The following REV1 variants were observed in gnomAD, a reference collection of about 807,000 sequenced individuals.
REV1 encodes the protein REV1 DNA directed polymerase, also known as translesion synthesis protein REV1.
Under a neutral mutation model 137.4 loss-of-function variants are expected in REV1, and 42 were observed. The observed-to-expected ratio is 0.31, with a 90% CI of 0.24 to 0.40. REV1 has a LOEUF of 0.40. Among genes scored for constraint, REV1 ranks in the 10% least tolerant of loss-of-function variants. REV1 has a pLI of 1.00. For synonymous variants in REV1, 524 were observed against 519.2 expected (o/e 1.01, Z -0.12); for missense variants, 1,282 against 1,490.1 (o/e 0.86, Z 2.30).
At chr2:99,469,362 G>A (rs1685153421) in intron 1 of REV1, among the ~76,000 whole-genome samples, 1 of 152,196 alleles carries the variant, frequency 6.6e-6, no homozygotes, top group Admixed American at 6.5e-5. Flanking sequence ...ATGTGACTCT[G>A]TAAGACAGTC....
At chr2:99,429,040 G>T (rs552503269) in intron 9 of REV1, among the ~76,000 whole-genome samples, 3 of 148,896 alleles carry the variant, frequency 2.0e-5, no homozygotes, top group African/African-American at 7.4e-5. Flanking sequence ...ACTCTGTTTC[G>T]ATTTGAAATT....
chr2:99,424,349 G>T, intron 9 of REV1, 69 bp from the exon 10 acceptor site: 1 of 1,452,884 alleles, frequency 6.9e-7, no homozygotes, highest in Non-Finnish European at 9.5e-7. Context: ...TATCAAATAT[G>T]TTGATATCTC....
chr2:99,484,245 G>T (rs994326031), intron 1 of REV1, among the ~76,000 whole-genome samples: 1 of 152,130 alleles, frequency 6.6e-6, no homozygotes, highest in Admixed American at 6.5e-5. Flanking sequence ...TGGGAGGAGG[G>T]AAACGAGCAG....
Position 99,403,470 on chromosome 2 carries a change from TA to T in REV1, c.3166+224del, listed in dbSNP as rs1675805771. ...GTGGTAATGTCCTATTCCAACTTTTTAAAAAGTAAAAAGTGGTGTGTTTAAA... is the reference window on the plus strand; with the variant it reads ...GTGGTAATGTCCTATTCCAACTTTTTAAAAGTAAAAAGTGGTGTGTTTAAA... On this transcript the variant is annotated intron_variant, in intron 19 of 22. Transcript: ENST00000258428. The T allele has an allele frequency of 4.8e-6, 3 of 625,066 alleles. 1 individual carries two copies. The highest frequency in any genetic ancestry group is 4.5e-5 in the South Asian group (2 of 44,876). 38.7% of individuals were successfully genotyped at this position (625,066 alleles called of 1,614,324 possible). A position where few individuals can be genotyped will look rare whatever the true frequency, so the allele number is the denominator to read the frequency against.
intron 8 of REV1, chr2:99,431,877 A>G (rs1680172581): frequency 1.0e-6 from 1 of 985,334 alleles, no homozygotes; most frequent in African/African-American, 1.7e-5. Flanking sequence ...AAACTTGACA[A>G]ACTAGACGGG....
chr2:99,401,527 A>C (rs1675410552), intron 22 of REV1, among the ~76,000 whole-genome samples, 175 bp from the exon 23 acceptor site: 1 of 151,798 alleles, frequency 6.6e-6, no homozygotes, highest in Non-Finnish European at 1.5e-5. Context: ...AGGGCGGATC[A>C]CCTGAGGTCA....
chr2:99,455,239 T>A (rs1475281181), intron 3 of REV1, among the ~76,000 whole-genome samples: 10 of 152,230 alleles, frequency 6.6e-5, no homozygotes, highest in Admixed American at 6.5e-4. Context: ...CATGGCAACA[T>A]CTTCATTATT....
chr2:99,433,562 G>A (rs1033710639), intron 8 of REV1, among the ~76,000 whole-genome samples: 1 of 152,040 alleles, frequency 6.6e-6, no homozygotes, highest in African/African-American at 2.4e-5. Context: ...AACTGACAAG[G>A]GCACTGAAAT....
chr2:99,445,408 G>A (rs1682068413), intron 4 of REV1, among the ~76,000 whole-genome samples: 1 of 152,170 alleles, frequency 6.6e-6, no homozygotes, highest in South Asian at 2.1e-4. Flanking sequence ...ACAGATCTAT[G>A]TGACCATCTA....
At chr2:99,488,575 T>C (rs1687337133) in intron 1 of REV1, among the ~76,000 whole-genome samples, 1 of 152,106 alleles carries the variant, frequency 6.6e-6, no homozygotes, top group African/African-American at 2.4e-5. Context: ...TGGAGAATGA[T>C]TCCTGGAAGA....
chr2:99,447,254 C>T (rs1682340876), intron 4 of REV1, among the ~76,000 whole-genome samples: 1 of 151,986 alleles, frequency 6.6e-6, no homozygotes, highest in South Asian at 2.1e-4. Flanking sequence ...TCTACTGCAA[C>T]CTCTGCCTCC....
chr2:99,426,932 C>T (rs1354317759), intron 9 of REV1, among the ~76,000 whole-genome samples: 7 of 152,106 alleles, frequency 4.6e-5, no homozygotes, highest in African/African-American at 1.7e-4. Context: ...TCCTGTAATC[C>T]CAGCACTTTT....
At chr2:99,442,571 C>G (rs1681657283) in intron 4 of REV1, 102 bp from the exon 5 acceptor site, 2 of 1,070,344 alleles carry the variant, frequency 1.9e-6, no homozygotes, top group East Asian at 2.4e-5. Flanking sequence ...TCACCAACAA[C>G]AGGTCATCTG....
In REV1 at chr2:99,412,742, T is replaced by C; in HGVS notation, c.2161A>G (p.Arg721Gly). ...TCAATGATCAGTACCTGAGTAAACC[T>C]TATTCCATAGTTGATCTCAGCTGAA... ...SVSAEINYGI[R>G]FTQPKEAEAF... The change falls in exon 13 of 23, where the codon AGG (arginine) becomes GGG (glycine). Residue 721 changes from arginine (R) to glycine (G), a missense_variant. Arg to Gly is a moderately radical substitution (Grantham distance 125). Transcript: ENST00000258428. The C allele has an allele frequency of 6.2e-7, 1 of 1,613,450 alleles. No individual in the cohort carries two copies. The highest frequency in any genetic ancestry group is 8.5e-7 in the Non-Finnish European group (1 of 1,179,352).
chr2:99,439,528 T>C (rs1681205277), intron 5 of REV1, among the ~76,000 whole-genome samples: 1 of 152,094 alleles, frequency 6.6e-6, no homozygotes, highest in Non-Finnish European at 1.5e-5. Flanking sequence ...TTTGCAAAAG[T>C]AGCAAGATAA....
chr2:99,476,675 T>C lies in REV1; in HGVS notation c.-10-11690A>G, dbSNP rs142242481. On this transcript the variant is annotated intron_variant, in intron 1 of 22. Transcript: ENST00000258428. The stretch of plus-strand genomic sequence containing the variant: ...TTAAGGTGAAGGGCTTTGAGCCATG[T>C]ATTATCAACCTCCTGAAGGGCTGAA... Among the ~76,000 whole-genome samples the C allele has an allele frequency of 1.3e-4, 20 of 152,344 alleles. No homozygotes were observed. The East Asian group carries it at 3.1e-3, about 24-fold the overall frequency.
intron 11 of REV1, among the ~76,000 whole-genome samples, chr2:99,419,286 C>T (rs900539770): frequency 6.7e-6 from 1 of 149,052 alleles, no homozygotes; most frequent in African/African-American, 2.5e-5. Context: ...GATCTCAGCT[C>T]ACTGCAAGTT....
intron 9 of REV1, among the ~76,000 whole-genome samples, chr2:99,429,087 G>C (rs1679781825): frequency 6.6e-6 from 1 of 152,052 alleles, no homozygotes; most frequent in African/African-American, 2.4e-5. Context: ...ATGTGTAAGG[G>C]CTTGCTGTGT....
At chr2:99,449,738 A>C (rs1682698579) in intron 3 of REV1, among the ~76,000 whole-genome samples, 1 of 147,730 alleles carries the variant, frequency 6.8e-6, no homozygotes, top group South Asian at 2.1e-4. Flanking sequence ...AACATCTAAG[A>C]AGTGCCTAGC....
Sources: allele counts gnomAD v4.1 joint callset (sites outside exome capture counted in the v4.1 genomes callset), GRCh38; gene constraint gnomAD v4.1.1; transcripts MANE v1.5; gene names NCBI Gene and HGNC (gene_info 2026-07-23, HGNC 2026-07-21).